ATP2B2: variants seen among roughly 807,000 people sequenced by gnomAD.
ATP2B2 encodes the protein ATPase plasma membrane Ca2+ transporting 2, also known as plasma membrane calcium-transporting ATPase 2.
In ATP2B2, 15 loss-of-function variants were observed where a neutral mutation model predicts 120.0. That is an observed-to-expected ratio of 0.12 (90% CI 0.08 to 0.19). ATP2B2 has a LOEUF of 0.19. Among genes scored for constraint, ATP2B2 ranks in the 10% least tolerant of loss-of-function variants. The probability of loss-of-function intolerance (pLI) is 1.00; values close to 1 mark genes in which losing one functional copy is unlikely to be tolerated. For missense variants in ATP2B2, 1,045 were observed against 1,719.8 expected, an observed-to-expected ratio of 0.61 and a Z score of 6.94; for synonymous variants, 694 against 700.3, an observed-to-expected ratio of 0.99 and a Z score of 0.14.
Position 10,636,180 on chromosome 3 carries a change from C to T in ATP2B2, c.-459-16219G>A, listed in dbSNP as rs188633253. ...CAGCCCATGAGCATTCTCCCAGCAT[C>T]AACTCCCCTGCTTTTGCCAATAATG... On this transcript the variant is annotated intron_variant, in intron 1 of 21. Transcript: ENST00000646379. 3.0e-4 allele frequency among the ~76,000 whole-genome samples: 45 copies of T among 152,358 alleles called. 1 individual carries two copies. The highest frequency in any genetic ancestry group is 1.1e-3 in the African/African-American group (45 of 41,592).
At chr3:10,432,292 T>C (rs2063340280) in intron 2 of ATP2B2, among the ~76,000 whole-genome samples, 1 of 152,226 alleles carries the variant, frequency 6.6e-6, no homozygotes, top group African/African-American at 2.4e-5. Flanking sequence ...ACCCCAGGGC[T>C]GGGACCTGCC....
chr3:10,605,750 G>A (rs1212122407), intron 2 of ATP2B2, among the ~76,000 whole-genome samples: 3 of 151,866 alleles, frequency 2.0e-5, no homozygotes, highest in African/African-American at 7.3e-5. Flanking sequence ...CCGGGTTCAA[G>A]TGATTCTCCT....
intron 2 of ATP2B2, among the ~76,000 whole-genome samples, chr3:10,594,681 C>A (rs1342155334): frequency 1.3e-5 from 2 of 150,046 alleles, no homozygotes; most frequent in African/African-American, 2.5e-5. Flanking sequence ...CAAACCTGCA[C>A]GTTGTGCACA....
chr3:10,404,068 A>T (rs1376159221), intron 3 of ATP2B2, among the ~76,000 whole-genome samples: 1 of 152,236 alleles, frequency 6.6e-6, no homozygotes, highest in Non-Finnish European at 1.5e-5. Context: ...GTTTATGGGC[A>T]TTGGGCTCCT....
intron 5 of ATP2B2, among the ~76,000 whole-genome samples, chr3:10,396,415 C>T (rs1355500014): frequency 2.0e-5 from 3 of 152,252 alleles, no homozygotes; most frequent in African/African-American, 7.2e-5. Context: ...GGAGTGTTTC[C>T]TGCCCTCTTC....
chr3:10,632,499 T>C (rs2117400), intron 1 of ATP2B2, among the ~76,000 whole-genome samples: 2,110 of 152,346 alleles, frequency 0.014, 50 homozygotes, highest in African/African-American at 0.048. Context: ...GTCAGGGATC[T>C]TACACAGGGA....
rs142726601 is a variant in ATP2B2 at position 10,479,613 on chromosome 3, T to C, written c.-320+25852A>G. ...TCTGCAATAATTTAAAAAATAACAG[T>C]TATAGCTATTATGCATATTATATAT... On this transcript the variant is annotated intron_variant, in intron 1 of 22. Coordinates refer to ENST00000360273, the MANE Select transcript of ATP2B2 (RefSeq NM_001001331.4). Among the ~76,000 whole-genome samples, 819 of 152,244 alleles carry C rather than the reference T, an allele frequency of 5.4e-3. 12 individuals carry two copies. The highest frequency in any genetic ancestry group is 0.019 in the African/African-American group (789 of 41,538).
At chr3:10,386,637 T>C in intron 6 of ATP2B2, 125 bp from the exon 7 acceptor site, 1 of 1,076,624 alleles carries the variant, frequency 9.3e-7, no homozygotes. Flanking sequence ...AGGGTCATCC[T>C]GAAATGGGGA....
chr3:10,583,324 G>T (rs1030097041), intron 2 of ATP2B2, among the ~76,000 whole-genome samples: 1 of 152,188 alleles, frequency 6.6e-6, no homozygotes, highest in Admixed American at 6.5e-5. Flanking sequence ...GCCTGCCCAT[G>T]AACACATTAT....
At chr3:10,509,815 T>A (rs1342627969), upstream of ATP2B2, among the ~76,000 whole-genome samples, 3 of 152,122 alleles carry the variant, frequency 2.0e-5, no homozygotes, top group African/African-American at 7.2e-5. Context: ...GAGTGGAGGC[T>A]TTGTGGCCAC....
intron 1 of ATP2B2, among the ~76,000 whole-genome samples, chr3:10,491,485 C>T (rs2065934156): frequency 6.6e-6 from 1 of 152,182 alleles, no homozygotes; most frequent in Non-Finnish European, 1.5e-5. Context: ...CTTGGCCTCC[C>T]AATGTGCTGG....
Position 10,375,403 on chromosome 3 carries a change from G to T in ATP2B2, c.1416+27C>A. 6.3e-7 allele frequency: 1 copy of T among 1,582,990 alleles called. No homozygotes were observed. Among genetic ancestry groups the T allele is most frequent in the African/African-American group, 1.3e-5 (1 of 74,396 alleles). On this transcript the variant is annotated intron_variant, in intron 11 of 22. Coordinates refer to ENST00000360273, the MANE Select transcript of ATP2B2 (RefSeq NM_001001331.4). This position sits in a 1 kb window ranked among gnomAD's most constrained non-coding sequence, Gnocchi z 4.2. ...CCCTCAGCTGCAGCTGCATCAGCCG[G>T]CTGGTCCTGCTCTCCTCCCCTCTCA... is the stretch of plus-strand genomic sequence containing the variant.
At chr3:10,618,676 TC>T (rs1057418387) in intron 2 of ATP2B2, among the ~76,000 whole-genome samples, 2 of 152,268 alleles carry the variant, frequency 1.3e-5, no homozygotes, top group Admixed American at 6.5e-5. Context: ...AGGCCTGCTG[TC>T]TTCTGGGGCC....
chr3:10,404,014 G>T (rs2062323384), intron 3 of ATP2B2, among the ~76,000 whole-genome samples: 1 of 152,222 alleles, frequency 6.6e-6, no homozygotes, highest in South Asian at 2.1e-4. Flanking sequence ...AAAGCCAGGG[G>T]TCAGAAGCAA....
intron 2 of ATP2B2, among the ~76,000 whole-genome samples, chr3:10,609,177 A>ACGTCC (rs745800144): frequency 7.9e-5 from 12 of 152,114 alleles, no homozygotes; most frequent in Non-Finnish European, 1.2e-4. Context: ...TACTGCACCC[A>ACGTCC]CGTCCCTCAC....
At chr3:10,423,144 C>G (rs1296065029) in intron 2 of ATP2B2, among the ~76,000 whole-genome samples, 1 of 152,202 alleles carries the variant, frequency 6.6e-6, no homozygotes, top group Non-Finnish European at 1.5e-5. Flanking sequence ...TTTAGATAAA[C>G]AGCAAATCAT....
chr3:10,360,268 C>T lies in ATP2B2; in HGVS notation c.1660-145G>A. ...CCTCAGGGAGCCCTTGGCCCATCCC[C>T]TGCACCCTCAGGGCTCTGCATCCCA... On this transcript the variant is annotated intron_variant, in intron 12 of 22. Transcript: ENST00000360273. 2.1e-6 allele frequency: 3 copies of T among 1,399,864 alleles called. No homozygotes were observed. In the South Asian group the frequency reaches 4.6e-5, roughly 22 times the overall value. The allele number at this position is 1,399,864 out of a possible 1,614,324, so 86.7% of individuals were successfully genotyped here. A position where few individuals can be genotyped will look rare whatever the true frequency, so the allele number is the denominator to read the frequency against.
intron 1 of ATP2B2, among the ~76,000 whole-genome samples, chr3:10,474,005 G>A (rs946949216): frequency 6.6e-6 from 1 of 152,208 alleles, no homozygotes; most frequent in Non-Finnish European, 1.5e-5. Flanking sequence ...ATTGGAGAAT[G>A]GACTGGCAGG....
intron 2 of ATP2B2, among the ~76,000 whole-genome samples, chr3:10,538,561 G>T (rs562180121): frequency 2.0e-5 from 3 of 152,306 alleles, no homozygotes; most frequent in African/African-American, 4.8e-5. Context: ...GGGATGCAAG[G>T]TTGGTTCAAC....
Sources: gnomAD v4.1 joint callset for allele counts (sites outside exome capture counted in the v4.1 genomes callset) on GRCh38, gnomAD v4.1.1 for gene constraint, Gnocchi (gnomAD v3.1) non-coding constraint, MANE v1.5 for transcripts, NCBI Gene and HGNC (gene_info 2026-07-23, HGNC 2026-07-21) for gene names.